The following MGAT5 variants were observed in gnomAD, a reference collection of about 807,000 sequenced individuals.
The protein encoded by MGAT5 is alpha-1,6-mannosylglycoprotein 6-beta-N-acetylglucosaminyltransferase.
In MGAT5, 30 loss-of-function variants were observed where a neutral mutation model predicts 94.3. The ratio of observed to expected loss-of-function variants is 0.32; its 90% CI spans 0.24 to 0.43. The LOEUF is 0.43. Among genes scored for constraint, MGAT5 ranks in the 20% least tolerant of loss-of-function variants. MGAT5 has a pLI of 1.00. For synonymous variants in MGAT5, 310 were observed against 322.9 expected, an observed-to-expected ratio of 0.96 and a Z score of 0.43; for missense variants, 691 against 905.5, an observed-to-expected ratio of 0.76 and a Z score of 3.04.
intron 9 of MGAT5, among the ~76,000 whole-genome samples, chr2:134,361,902 C>G (rs1318039136): frequency 1.3e-5 from 2 of 152,198 alleles, no homozygotes; most frequent in Non-Finnish European, 2.9e-5. Flanking sequence ...AGCCCTGCCC[C>G]CTACAGATTT....
chr2:134,405,216 G>A (rs1297252429), intron 11 of MGAT5, among the ~76,000 whole-genome samples: 1 of 152,264 alleles, frequency 6.6e-6, no homozygotes, highest in Non-Finnish European at 1.5e-5. Context: ...AGGCCAAGAT[G>A]TCCAAGTTTG....
intron 8 of MGAT5, among the ~76,000 whole-genome samples, chr2:134,348,548 CT>C (rs1679150370): frequency 6.6e-6 from 1 of 152,156 alleles, no homozygotes; most frequent in Non-Finnish European, 1.5e-5. Flanking sequence ...TTTTTTCCCC[CT>C]GAATCATACA....
chr2:134,189,602 G>GTTTTGTTTTTTTTTTTTTTTT (rs1553490380), intron 1 of MGAT5, among the ~76,000 whole-genome samples: 13 of 84,672 alleles, frequency 1.5e-4, no homozygotes, highest in African/African-American at 5.7e-4. Flanking sequence ...GTTTTTTTTT[G>GTTTTGTTTTTTTTTTTTTTTT]TTTTTTTTTT....
intron 1 of MGAT5, among the ~76,000 whole-genome samples, chr2:134,197,821 G>T (rs577406421): frequency 1.4e-4 from 21 of 152,246 alleles, no homozygotes; most frequent in South Asian, 6.2e-4. Flanking sequence ...CCCCAGTGTT[G>T]CTCTCCTTTG....
At chr2:134,353,575 A>G (rs1394724080) in intron 9 of MGAT5, among the ~76,000 whole-genome samples, 4 of 152,232 alleles carry the variant, frequency 2.6e-5, no homozygotes, top group Non-Finnish European at 5.9e-5. Context: ...AGCTTTGATC[A>G]TGCCTTTCTA....
At chr2:134,440,072 G>T (rs946490288) in intron 14 of MGAT5, among the ~76,000 whole-genome samples, 1 of 152,176 alleles carries the variant, frequency 6.6e-6, no homozygotes, top group African/African-American at 2.4e-5. Flanking sequence ...TTACTGCTCA[G>T]TGGCAGTCCT....
At chr2:134,214,265 G>T (rs1325882976) in intron 1 of MGAT5, among the ~76,000 whole-genome samples, 1 of 151,470 alleles carries the variant, frequency 6.6e-6, no homozygotes, top group Non-Finnish European at 1.5e-5. Context: ...TGGCCCAAGG[G>T]CTGGCTGCCT....
intron 10 of MGAT5, among the ~76,000 whole-genome samples, chr2:134,401,288 T>C (rs1683038595): frequency 6.6e-6 from 1 of 152,180 alleles, no homozygotes; most frequent in Non-Finnish European, 1.5e-5. Context: ...TTGCCCAGAC[T>C]CCAACGCTCA....
intron 4 of MGAT5, among the ~76,000 whole-genome samples, chr2:134,333,727 T>G (rs1688152152): frequency 6.6e-6 from 1 of 152,130 alleles, no homozygotes; most frequent in South Asian, 2.1e-4. Flanking sequence ...TAGGAAGTTG[T>G]TACTAGCCTT....
At chr2:134,138,396 G>A (rs1035858745) in intron 1 of MGAT5, among the ~76,000 whole-genome samples, 4 of 152,182 alleles carry the variant, frequency 2.6e-5, no homozygotes, top group Admixed American at 1.3e-4. Context: ...GGTCTAAAGT[G>A]TAGGAGTTAA....
intron 1 of MGAT5, among the ~76,000 whole-genome samples, chr2:134,176,609 A>G (rs1688478929): frequency 6.7e-6 from 1 of 150,374 alleles, no homozygotes. Context: ...TAAACCATCA[A>G]GAACTGATAA....
chr2:134,127,811 C>G (rs989969385), intron 1 of MGAT5, among the ~76,000 whole-genome samples: 4 of 152,086 alleles, frequency 2.6e-5, no homozygotes, highest in Non-Finnish European at 5.9e-5. Context: ...AGTGTGCCTG[C>G]GTGGCTGGGT....
At chr2:134,188,433 G>A (rs940586400) in intron 1 of MGAT5, among the ~76,000 whole-genome samples, 6 of 152,268 alleles carry the variant, frequency 3.9e-5, no homozygotes, top group Admixed American at 3.9e-4. Flanking sequence ...CATCTGCAAA[G>A]TGGGAATGAT....
chr2:134,220,315 T>A (rs1680694272), intron 1 of MGAT5, among the ~76,000 whole-genome samples: 1 of 152,142 alleles, frequency 6.6e-6, no homozygotes, highest in African/African-American at 2.4e-5. Context: ...TTCTTTCCCA[T>A]GTATCCCCCA....
At chr2:134,376,261 C>T (rs971622420) in intron 10 of MGAT5, among the ~76,000 whole-genome samples, 1 of 152,096 alleles carries the variant, frequency 6.6e-6, no homozygotes, top group Non-Finnish European at 1.5e-5. Context: ...AATTCAAACG[C>T]TCCCTTTTCA....
chr2:134,393,786 G>A (rs1323216270), intron 10 of MGAT5, among the ~76,000 whole-genome samples: 7 of 152,126 alleles, frequency 4.6e-5, no homozygotes, highest in African/African-American at 7.2e-5. Flanking sequence ...ACAACATGGT[G>A]GCCTGGTCTC....
rs1686217145 is a variant in MGAT5 at position 134,453,767 on chromosome 2, G to C, written c.*4920G>C. The C allele has an allele frequency of 6.6e-6, 1 of 152,184 alleles. No individual in the cohort carries two copies. Among genetic ancestry groups the C allele is most frequent in the Non-Finnish European group, 1.5e-5 (1 of 68,038 alleles). 9.4% of individuals were successfully genotyped at this position (152,184 alleles called of 1,614,324 possible). A position where few individuals can be genotyped will look rare whatever the true frequency, so the allele number is the denominator to read the frequency against. On this transcript the variant is annotated 3_prime_UTR_variant, in exon 16 of 16. Coordinates refer to ENST00000281923, the MANE Select transcript of MGAT5 (RefSeq NM_002410.5). ...TGGGGGCAATGGGGCAGGGATTTTG[G>C]CCTCTCAGAACAGCTCCTAGAGGCT... is the stretch of plus-strand genomic sequence containing the variant.
chr2:134,300,732 T>C (rs1385660840), intron 2 of MGAT5, among the ~76,000 whole-genome samples: 1 of 152,128 alleles, frequency 6.6e-6, no homozygotes, highest in African/African-American at 2.4e-5. Flanking sequence ...TTATTTGAGG[T>C]GCTTTAGGTT....
intron 2 of MGAT5, among the ~76,000 whole-genome samples, chr2:134,289,565 G>T (rs529610693): frequency 6.6e-6 from 1 of 152,338 alleles, no homozygotes; most frequent in African/African-American, 2.4e-5. Flanking sequence ...AGGTCTGCTT[G>T]CAAGACTAAC....
Sources: allele counts gnomAD v4.1 joint callset (sites outside exome capture counted in the v4.1 genomes callset), GRCh38; gene constraint gnomAD v4.1.1; transcripts MANE v1.5; gene names NCBI Gene and HGNC (gene_info 2026-07-23, HGNC 2026-07-21).